NCKAP5: variants seen among roughly 807,000 people sequenced by gnomAD.
The protein encoded by NCKAP5 is nck-associated protein 5.
NCKAP5 carries 92 observed loss-of-function variants against 167.0 expected under a neutral mutation model. The ratio of observed to expected loss-of-function variants is 0.55; its 90% CI spans 0.47 to 0.66. The LOEUF (loss-of-function observed/expected upper bound fraction) is 0.66. NCKAP5 is among the 30% of genes least tolerant of loss of function. The probability of loss-of-function intolerance (pLI) is 0.00; values close to 1 mark genes in which losing one functional copy is unlikely to be tolerated. For missense variants in NCKAP5, 2,378 were observed against 2,315.0 expected (o/e 1.03, Z -0.56); for synonymous variants, 891 against 877.4 (o/e 1.02, Z -0.27).
intron 5 of NCKAP5, among the ~76,000 whole-genome samples, chr2:133,202,286 A>G (rs1477768879): frequency 1.3e-5 from 2 of 152,206 alleles, no homozygotes; most frequent in African/African-American, 2.4e-5. Context: ...GAAATGGGGA[A>G]AGGATTTCCC....
intron 2 of NCKAP5, among the ~76,000 whole-genome samples, chr2:133,541,636 C>T (rs1395488552): frequency 6.6e-6 from 1 of 151,286 alleles, no homozygotes; most frequent in Non-Finnish European, 1.5e-5. Flanking sequence ...GCTGAGTTCT[C>T]AGCAATGGTA....
At chr2:133,273,252 T>A (rs1266892646) in intron 4 of NCKAP5, among the ~76,000 whole-genome samples, 1 of 152,202 alleles carries the variant, frequency 6.6e-6, no homozygotes, top group Non-Finnish European at 1.5e-5. Flanking sequence ...TATAAAGTGA[T>A]GTCTCATGAA....
intron 11 of NCKAP5, among the ~76,000 whole-genome samples, chr2:132,832,488 G>A (rs1449186809): frequency 6.6e-6 from 1 of 152,022 alleles, no homozygotes; most frequent in Admixed American, 6.5e-5. Context: ...AATGTACCTT[G>A]TACCCATTAA....
At chr2:133,586,557 C>T in the NCKAP5 span, among the ~76,000 whole-genome samples, 1 of 152,146 alleles carries the variant, frequency 6.6e-6, no homozygotes, top group Admixed American at 6.5e-5. Context: ...ATGGGTTCTC[C>T]TCCAACAAAT....
chr2:133,554,930 A>G (rs965295765), intron 2 of NCKAP5, among the ~76,000 whole-genome samples: 23 of 152,140 alleles, frequency 1.5e-4, no homozygotes, highest in African/African-American at 5.3e-4. Context: ...AGCACTGCAT[A>G]GCTACCAAAG....
chr2:133,502,485 G>A (rs1162112131), intron 3 of NCKAP5, among the ~76,000 whole-genome samples: 1 of 152,082 alleles, frequency 6.6e-6, no homozygotes, highest in East Asian at 1.9e-4. Context: ...AGATAGATAT[G>A]GATATAGAAA....
chr2:133,081,189 A>G (rs887962725), intron 6 of NCKAP5, among the ~76,000 whole-genome samples: 7 of 152,160 alleles, frequency 4.6e-5, no homozygotes, highest in African/African-American at 1.7e-4. Flanking sequence ...AAGCAAAAAA[A>G]AACTCTCATA....
chr2:133,600,336 G>A, the NCKAP5 span, among the ~76,000 whole-genome samples: 1 of 90,102 alleles, frequency 1.1e-5, no homozygotes. Flanking sequence ...CTCAAAACAA[G>A]GGAGAGAGAG....
At chr2:133,431,140 T>C (rs1295908235) in intron 3 of NCKAP5, among the ~76,000 whole-genome samples, 1 of 152,102 alleles carries the variant, frequency 6.6e-6, no homozygotes, top group East Asian at 1.9e-4. Context: ...TGAATTCAGG[T>C]TTCCAGTTCC....
chr2:132,929,633 C>T (rs1187685676), intron 8 of NCKAP5, among the ~76,000 whole-genome samples: 1 of 152,152 alleles, frequency 6.6e-6, no homozygotes, highest in Non-Finnish European at 1.5e-5. Flanking sequence ...TCTTTAGGGT[C>T]TAGGAGCAAG....
chr2:133,547,357 G>C (rs533177789), intron 2 of NCKAP5, among the ~76,000 whole-genome samples: 4,136 of 152,246 alleles, frequency 0.027, 77 homozygotes, highest in Middle Eastern at 0.044. Context: ...CAGGAAGCTC[G>C]AACTGGGTGG....
At chr2:133,341,896 A>C (rs1683612001) in intron 3 of NCKAP5, among the ~76,000 whole-genome samples, 1 of 152,208 alleles carries the variant, frequency 6.6e-6, no homozygotes, top group Admixed American at 6.5e-5. Flanking sequence ...TCAACCTAAT[A>C]ATTGTAAGCC....
At chr2:133,507,631 C>A (rs561402350) in intron 3 of NCKAP5, among the ~76,000 whole-genome samples, 1 of 152,154 alleles carries the variant, frequency 6.6e-6, no homozygotes, top group African/African-American at 2.4e-5. Flanking sequence ...GAGAGAATTG[C>A]AAAATTAGTG....
At chr2:133,394,509 A>T (rs1226017963) in intron 3 of NCKAP5, among the ~76,000 whole-genome samples, 1 of 152,328 alleles carries the variant, frequency 6.6e-6, no homozygotes, top group East Asian at 1.9e-4. Flanking sequence ...AACGTGGTGC[A>T]CTGTAAGGTT....
At chr2:133,523,607 G>T (rs1385307026) in intron 2 of NCKAP5, among the ~76,000 whole-genome samples, 1 of 152,158 alleles carries the variant, frequency 6.6e-6, no homozygotes, top group Non-Finnish European at 1.5e-5. Flanking sequence ...GTTTCAATGA[G>T]ATAATGCCCC....
chr2:132,846,262 A>G (rs941565574), intron 11 of NCKAP5, among the ~76,000 whole-genome samples: 1 of 152,178 alleles, frequency 6.6e-6, no homozygotes, highest in African/African-American at 2.4e-5. Flanking sequence ...GTAAAGTTTC[A>G]GAACTGGGAC....
chr2:132,850,044 AG>A (rs1349763078), intron 11 of NCKAP5, among the ~76,000 whole-genome samples: 1 of 152,192 alleles, frequency 6.6e-6, no homozygotes. Flanking sequence ...ATAACCAGGG[AG>A]GGGGGTAGAT....
At chr2:132,714,853 C>T (rs555860862) in intron 19 of NCKAP5, 1 of 454,430 alleles carries the variant, frequency 2.2e-6, no homozygotes, top group African/African-American at 2.0e-5. Context: ...ACAGCCAGCG[C>T]TGAAACCCAG....
intron 8 of NCKAP5, among the ~76,000 whole-genome samples, chr2:132,941,758 C>CA (rs1460623669): frequency 6.6e-6 from 1 of 152,122 alleles, no homozygotes; most frequent in Admixed American, 6.5e-5. Context: ...TACTTGCAAT[C>CA]AAAATACTCC....
Sources: allele counts gnomAD v4.1 joint callset (sites outside exome capture counted in the v4.1 genomes callset), GRCh38; gene constraint gnomAD v4.1.1; transcripts MANE v1.5; gene names NCBI Gene and HGNC (gene_info 2026-07-23, HGNC 2026-07-21).